Variants in KHDRBS2 observed in about 807,000 individuals in gnomAD.
KHDRBS2 encodes KH RNA binding domain containing, signal transduction associated 2, also known as KH domain-containing, RNA-binding, signal transduction-associated protein 2.
A neutral mutation model predicts 44.3 loss-of-function variants in KHDRBS2; 26 were observed. That is an observed-to-expected ratio of 0.59 (90% CI 0.43 to 0.81). The LOEUF (loss-of-function observed/expected upper bound fraction) is 0.81. KHDRBS2 is among the 40% of genes least tolerant of loss of function. The probability of loss-of-function intolerance (pLI) is 0.00; values close to 1 mark genes in which losing one functional copy is unlikely to be tolerated. For missense variants in KHDRBS2, 476 were observed against 433.1 expected (o/e 1.10, Z -0.88); for synonymous variants, 194 against 151.1 (o/e 1.28, Z -2.08).
chr6:61,802,041 C>A (rs143768878), intron 6 of KHDRBS2, among the ~76,000 whole-genome samples: 27 of 152,030 alleles, frequency 1.8e-4, no homozygotes, highest in African/African-American at 6.0e-4. Flanking sequence ...TGGAAAGGGT[C>A]ACATGAGAAG....
At chr6:62,106,755 G>T (rs527914661) in intron 2 of KHDRBS2, among the ~76,000 whole-genome samples, 1 of 152,178 alleles carries the variant, frequency 6.6e-6, no homozygotes, top group South Asian at 2.1e-4. Flanking sequence ...TGGTCAAGTG[G>T]GCTTCATCCC....
intron 2 of KHDRBS2, among the ~76,000 whole-genome samples, chr6:62,099,581 C>T (rs1562855719): frequency 6.6e-6 from 1 of 152,298 alleles, no homozygotes; most frequent in Admixed American, 6.5e-5. Flanking sequence ...GGGTCAGGAA[C>T]CGTGGGGCTG....
chr6:61,984,986 T>C (rs1460533742), intron 3 of KHDRBS2, among the ~76,000 whole-genome samples: 6 of 152,180 alleles, frequency 3.9e-5, no homozygotes, highest in African/African-American at 1.4e-4. Flanking sequence ...AAAAGACTAT[T>C]GTGGTGCTCA....
chr6:61,935,747 G>T (rs1376438495), intron 4 of KHDRBS2, among the ~76,000 whole-genome samples: 1 of 152,020 alleles, frequency 6.6e-6, no homozygotes, highest in East Asian at 1.9e-4. Context: ...TAAAGTTAGT[G>T]AAATATGAGA....
intron 8 of KHDRBS2, among the ~76,000 whole-genome samples, chr6:61,696,410 A>G (rs1038644675): frequency 8.6e-5 from 13 of 151,576 alleles, no homozygotes; most frequent in African/African-American, 3.1e-4. Context: ...CATGCGCCAC[A>G]ATGCCCAGCT....
chr6:61,887,083 A>G (rs1269350410), intron 6 of KHDRBS2, among the ~76,000 whole-genome samples: 1 of 142,918 alleles, frequency 7.0e-6, no homozygotes, highest in Non-Finnish European at 1.5e-5. Context: ...TTCTTTACCG[A>G]GAGGAAACAC....
chr6:61,619,547 C>A, the KHDRBS2 span, among the ~76,000 whole-genome samples: 1 of 152,124 alleles, frequency 6.6e-6, no homozygotes, highest in Non-Finnish European at 1.5e-5. Flanking sequence ...CTCTGCCTCC[C>A]GGATTCTAGT....
At chr6:62,248,297 A>T (rs1471599200) in intron 1 of KHDRBS2, among the ~76,000 whole-genome samples, 6 of 151,800 alleles carry the variant, frequency 4.0e-5, no homozygotes, top group Admixed American at 2.0e-4. Context: ...TTTTAAAAAA[A>T]AAAAACTGGG....
intron 2 of KHDRBS2, among the ~76,000 whole-genome samples, chr6:62,153,686 G>A (rs891305102): frequency 6.6e-6 from 1 of 152,124 alleles, no homozygotes; most frequent in Non-Finnish European, 1.5e-5. Flanking sequence ...ATGGTGAGTT[G>A]CTCAGGGTGG....
rs1210204024 is a variant in KHDRBS2 at position 62,062,854 on chromosome 6, A to G, written c.220-14860T>C. On this transcript the variant is annotated intron_variant, in intron 2 of 8. Coordinates refer to ENST00000281156, the MANE Select transcript of KHDRBS2 (RefSeq NM_152688.4). ...TGAATCCAGGAGCTGGTTTTTTGAA[A>G]GGATCAACAAAATTGATAGACTGCT... Among the ~76,000 whole-genome samples, 171 of 148,472 alleles carry G rather than the reference A, an allele frequency of 1.2e-3. 1 individual carries two copies. The highest frequency in any genetic ancestry group is 4.0e-3 in the African/African-American group (161 of 40,630).
intron 6 of KHDRBS2, among the ~76,000 whole-genome samples, chr6:61,853,379 C>T (rs1795725587): frequency 2.6e-5 from 4 of 152,022 alleles, no homozygotes; most frequent in Admixed American, 2.6e-4. Context: ...AAGCCTGTAT[C>T]ATACTGTAGA....
At chr6:61,887,525 A>G (rs1220601274) in intron 6 of KHDRBS2, among the ~76,000 whole-genome samples, 1 of 152,210 alleles carries the variant, frequency 6.6e-6, no homozygotes, top group Non-Finnish European at 1.5e-5. Flanking sequence ...AGCTAACACT[A>G]ATGATGGGTT....
intron 5 of KHDRBS2, among the ~76,000 whole-genome samples, chr6:61,899,735 C>CCT (rs1554263635): frequency 7.8e-6 from 1 of 127,404 alleles, no homozygotes; most frequent in Non-Finnish European, 1.7e-5. Context: ...GTTTTAATGC[C>CCT]CCCCCCCCGC....
chr6:61,762,475 G>A (rs1285445084), intron 6 of KHDRBS2, among the ~76,000 whole-genome samples: 3 of 152,128 alleles, frequency 2.0e-5, no homozygotes, highest in South Asian at 4.1e-4. Context: ...TGCTGTGCTC[G>A]TGGTAATGAG....
the KHDRBS2 span, among the ~76,000 whole-genome samples, chr6:61,662,685 C>G: frequency 3.9e-5 from 6 of 152,052 alleles, no homozygotes; most frequent in East Asian, 1.2e-3. Context: ...AAATGCAAAT[C>G]AAAACCACAA....
intron 8 of KHDRBS2, 84 bp from the exon 9 acceptor site, chr6:61,681,144 A>G (rs1766247371): frequency 1.1e-6 from 1 of 935,248 alleles, no homozygotes; most frequent in Admixed American, 2.2e-5. Flanking sequence ...GTTGACCGAG[A>G]AAAAGAAAAC....
chr6:61,803,652 G>T (rs1017236428), intron 6 of KHDRBS2, among the ~76,000 whole-genome samples: 1 of 152,072 alleles, frequency 6.6e-6, no homozygotes, highest in Non-Finnish European at 1.5e-5. Flanking sequence ...ATGCCATGAA[G>T]AAATGCTCAA....
chr6:62,255,092 C>CACTCATTTAATAGTGCCATTAAAT (rs1837149171), intron 1 of KHDRBS2, among the ~76,000 whole-genome samples: 1 of 152,164 alleles, frequency 6.6e-6, no homozygotes, highest in Non-Finnish European at 1.5e-5. Flanking sequence ...TCACTGTAGA[C>CACTCATTTAATAGTGCCATTAAAT]AGTGGCACTA....
chr6:61,596,269 T>G, the KHDRBS2 span, among the ~76,000 whole-genome samples: 1 of 152,160 alleles, frequency 6.6e-6, no homozygotes, highest in Non-Finnish European at 1.5e-5. Context: ...GAGGCAACAG[T>G]TTCATGATCT....
Sources: allele counts gnomAD v4.1 joint callset (sites outside exome capture counted in the v4.1 genomes callset), GRCh38; gene constraint gnomAD v4.1.1; transcripts MANE v1.5; gene names NCBI Gene and HGNC (gene_info 2026-07-23, HGNC 2026-07-21).